IQCM: variants seen among roughly 807,000 people sequenced by gnomAD.
IQCM encodes IQ domain-containing protein M.
IQCM carries 45 observed loss-of-function variants against 57.6 expected under a neutral mutation model. The ratio of observed to expected loss-of-function variants is 0.78; its 90% confidence interval spans 0.62 to 1.00. The LOEUF is 1.00. Among genes scored for constraint, IQCM ranks in the 50% least tolerant of loss-of-function variants. The probability of loss-of-function intolerance (pLI) is 0.00; values close to 1 mark genes in which losing one functional copy is unlikely to be tolerated. For missense variants in IQCM, 468 were observed against 511.6 expected (o/e 0.91, Z 0.82); for synonymous variants, 148 against 158.9 (o/e 0.93, Z 0.51).
At chr4:149,673,844 T>G (rs962137347) in intron 7 of IQCM, among the ~76,000 whole-genome samples, 3 of 152,096 alleles carry the variant, frequency 2.0e-5, no homozygotes, top group African/African-American at 7.2e-5. Context: ...CACTTCGCAC[T>G]TATTCCAAAA....
chr4:149,553,348 T>C (rs1749222935), intron 10 of IQCM, 61 bp from the exon 11 acceptor site: 5 of 1,185,266 alleles, frequency 4.2e-6, no homozygotes. Context: ...TGATTTCGCC[T>C]CTTTCATTTA....
At chr4:149,469,795 G>A (rs997243348) in intron 12 of IQCM, among the ~76,000 whole-genome samples, 2 of 152,298 alleles carry the variant, frequency 1.3e-5, no homozygotes, top group African/African-American at 2.4e-5. Flanking sequence ...CTCTACAAGC[G>A]AGAAGAGAGT....
At chr4:149,796,558 G>A (rs1773133460) in intron 2 of IQCM, among the ~76,000 whole-genome samples, 1 of 152,168 alleles carries the variant, frequency 6.6e-6, no homozygotes, top group African/African-American at 2.4e-5. Context: ...CCAGGCCTTT[G>A]AGTGAACATA....
intron 8 of IQCM, among the ~76,000 whole-genome samples, chr4:149,608,116 G>T (rs1754960195): frequency 6.6e-6 from 1 of 151,834 alleles, no homozygotes; most frequent in Non-Finnish European, 1.5e-5. Context: ...AAAAGAGTAG[G>T]AATGGCTATA....
chr4:149,538,785 C>T (rs914573685), intron 12 of IQCM, among the ~76,000 whole-genome samples: 53 of 151,664 alleles, frequency 3.5e-4, no homozygotes, highest in African/African-American at 1.2e-3. Flanking sequence ...CACAAGCATA[C>T]CCCAGAAAAG....
chr4:149,603,185 G>A (rs2654829), intron 8 of IQCM, among the ~76,000 whole-genome samples: 66,283 of 151,830 alleles, frequency 0.44, 14,834 homozygotes, highest in South Asian at 0.58. Context: ...TATTGTTATA[G>A]TAATTATGGT....
chr4:149,561,922 T>C (rs185500502), intron 10 of IQCM, among the ~76,000 whole-genome samples: 2 of 152,128 alleles, frequency 1.3e-5, no homozygotes, highest in South Asian at 2.1e-4. Flanking sequence ...GTGAATACAC[T>C]TTAGGAAGAT....
intron 12 of IQCM, among the ~76,000 whole-genome samples, chr4:149,507,356 C>G (rs1743932251): frequency 6.6e-6 from 1 of 152,128 alleles, no homozygotes; most frequent in Non-Finnish European, 1.5e-5. Flanking sequence ...CAGAAGAAGA[C>G]AGGGAAATGT....
chr4:149,538,845 T>G (rs1194332258), intron 12 of IQCM, among the ~76,000 whole-genome samples: 3 of 151,920 alleles, frequency 2.0e-5, no homozygotes, highest in African/African-American at 7.2e-5. Context: ...AAACCTTTGC[T>G]TTTCAGGAAT....
chr4:149,398,210 G>T (rs1732366583), intron 13 of IQCM, among the ~76,000 whole-genome samples: 1 of 151,846 alleles, frequency 6.6e-6, no homozygotes. Context: ...AATTACTTCT[G>T]GGCTCTCAGT....
intron 7 of IQCM, among the ~76,000 whole-genome samples, chr4:149,679,540 G>T (rs1762020760): frequency 6.6e-6 from 1 of 151,458 alleles, no homozygotes; most frequent in Non-Finnish European, 1.5e-5. Flanking sequence ...GTCATAAAGA[G>T]AAGACAAATA....
chr4:149,715,217 C>T (rs1764887809), intron 5 of IQCM, among the ~76,000 whole-genome samples: 1 of 152,170 alleles, frequency 6.6e-6, no homozygotes, highest in Non-Finnish European at 1.5e-5. Flanking sequence ...GCTCACATTA[C>T]TGGCCCAGAT....
At chr4:149,613,395 C>T (rs547012189) in intron 8 of IQCM, among the ~76,000 whole-genome samples, 2 of 152,154 alleles carry the variant, frequency 1.3e-5, no homozygotes, top group East Asian at 3.9e-4. Context: ...ATTTCCAAGT[C>T]AGAAGAAGAA....
intron 13 of IQCM, among the ~76,000 whole-genome samples, chr4:149,369,949 G>C (rs753549222): frequency 6.6e-6 from 1 of 152,202 alleles, no homozygotes; most frequent in Non-Finnish European, 1.5e-5. Context: ...AGGTTGGAGT[G>C]CAGTGGTGCA....
At chr4:149,378,078 C>T (rs979042926) in intron 13 of IQCM, among the ~76,000 whole-genome samples, 10 of 152,138 alleles carry the variant, frequency 6.6e-5, no homozygotes, top group African/African-American at 2.4e-4. Context: ...AACACCCTTT[C>T]ACTTGGTTTT....
intron 13 of IQCM, among the ~76,000 whole-genome samples, chr4:149,405,561 A>T (rs564509382): frequency 2.4e-4 from 37 of 151,940 alleles, no homozygotes; most frequent in Admixed American, 8.5e-4. Flanking sequence ...AGTATAATAA[A>T]AAAAAAAGAA....
intron 3 of IQCM, among the ~76,000 whole-genome samples, chr4:149,741,688 G>A (rs986079453): frequency 1.3e-5 from 2 of 152,202 alleles, no homozygotes; most frequent in African/African-American, 4.8e-5. Flanking sequence ...CTCTATGTGC[G>A]GCACTATATG....
At chr4:149,490,754 C>G (rs1255253191) in intron 12 of IQCM, among the ~76,000 whole-genome samples, 1 of 152,066 alleles carries the variant, frequency 6.6e-6, no homozygotes, top group African/African-American at 2.4e-5. Flanking sequence ...CAGCAACCAT[C>G]CCATGAAAAT....
chr4:149,532,636 A>G (rs1746869790), intron 12 of IQCM, among the ~76,000 whole-genome samples: 1 of 151,302 alleles, frequency 6.6e-6, no homozygotes, highest in South Asian at 2.1e-4. Context: ...TACTAATTTT[A>G]AAGGAAAGTA....
Sources: allele counts gnomAD v4.1 joint callset (sites outside exome capture counted in the v4.1 genomes callset), GRCh38; gene constraint gnomAD v4.1.1; transcripts MANE v1.5; gene names NCBI Gene and HGNC (gene_info 2026-07-23, HGNC 2026-07-21).